The following RGL1 variants were observed in gnomAD, a reference collection of about 807,000 sequenced individuals.
RGL1 encodes ral guanine nucleotide dissociation stimulator-like 1.
A neutral mutation model predicts 95.2 loss-of-function variants in RGL1; 24 were observed. That is an observed-to-expected ratio of 0.25 (90% CI 0.18 to 0.35). The LOEUF is 0.35. Among genes scored for constraint, RGL1 ranks in the 10% least tolerant of loss-of-function variants. The pLI, the probability that RGL1 is intolerant of heterozygous loss-of-function variation, is 1.00. For missense variants in RGL1, 715 were observed against 936.3 expected (o/e 0.76, Z 3.08); for synonymous variants, 329 against 344.9 (o/e 0.95, Z 0.51).
intron 2 of RGL1, among the ~76,000 whole-genome samples, chr1:183,744,530 C>A (rs1657504201): frequency 6.6e-6 from 1 of 152,132 alleles, no homozygotes. Context: ...TTGTCTCACT[C>A]CAGTCCTGGC....
At position 183,884,813 on chromosome 1, in the gene RGL1, A is replaced by G; in HGVS notation, c.826A>G (p.Ile276Val). The G allele has an allele frequency of 1.2e-6, 2 of 1,614,126 alleles. No homozygotes were observed. Among genetic ancestry groups the G allele is most frequent in the Non-Finnish European group, 1.7e-6 (2 of 1,179,984 alleles). Residue 276 changes from isoleucine (I) to valine (V), a missense_variant, in exon 7 of 18, where the codon ATC becomes GTC. Coordinates refer to ENST00000360851, the MANE Select transcript of RGL1 (RefSeq NM_001297671.3). ...KKENKHLAPTIRATISQFNTL... is the reference protein window; with the variant it reads ...KKENKHLAPTVRATISQFNTL... The stretch of plus-strand genomic sequence containing the variant: ...GGAAAACAAACATTTGGCTCCTACG[A>G]TCCGTGCCACCATCTCTCAGTTTAA...
chr1:183,921,827 T>A (rs1669322310), intron 16 of RGL1, among the ~76,000 whole-genome samples: 1 of 152,240 alleles, frequency 6.6e-6, no homozygotes, highest in African/African-American at 2.4e-5. Context: ...TCCCGTGGGT[T>A]GTAACCAGTG....
In RGL1 at chr1:183,737,039, A is replaced by C. The variant is rs1038720796; in HGVS notation, c.-32-5087A>C. On this transcript the variant is annotated intron_variant, in intron 1 of 18. Coordinates refer to the RGL1 transcript ENST00000304685. ...ATTATAAGAAGGAAAGTAAAATTCA[A>C]TAAATTACAAAATGATGTATCAAAC... Among the ~76,000 whole-genome samples, 7 of 152,232 alleles carry C rather than the reference A, an allele frequency of 4.6e-5. No homozygotes were observed. In the South Asian group the frequency reaches 6.2e-4, roughly 13 times the overall value.
At chr1:183,889,563 A>G (rs1667300021) in intron 8 of RGL1, among the ~76,000 whole-genome samples, 1 of 152,116 alleles carries the variant, frequency 6.6e-6, no homozygotes, top group Non-Finnish European at 1.5e-5. Flanking sequence ...CATTGTTTGA[A>G]TTTGCAAGAG....
rs907138271 is a variant in RGL1 at position 183,912,128 on chromosome 1, G to C, written c.1609G>C (p.Glu537Gln). ...DMITSPTPTK[E>Q]QPKSTASGSS... ...GATCACCAGTCCCACTCCCACCAAA[G>C]AGCAGCCCAAGTCCACTGCCAGCGG... The change falls in exon 15 of 18, where the codon GAG becomes CAG. Residue 537 changes from glutamate to glutamine, a missense_variant. Transcript: ENST00000360851. The C allele has an allele frequency of 6.2e-7, 1 of 1,613,850 alleles. No individual in the cohort carries two copies. Among genetic ancestry groups the C allele is most frequent in the Admixed American group, 1.7e-5 (1 of 59,976 alleles).
chr1:183,769,861 G>A (rs574361359), intron 2 of RGL1, among the ~76,000 whole-genome samples: 2 of 152,216 alleles, frequency 1.3e-5, no homozygotes, highest in Non-Finnish European at 2.9e-5. Flanking sequence ...AACCAGGCCC[G>A]ACCCAGCTTA....
At chr1:183,884,987 C>G in intron 7 of RGL1, 49 bp downstream of exon 7, 1 of 1,489,192 alleles carries the variant, frequency 6.7e-7, no homozygotes, top group Middle Eastern at 1.7e-4. Flanking sequence ...ATGCAAGAGA[C>G]TGCTCCATCA....
At chr1:183,826,532 G>A (rs530567143) in intron 2 of RGL1, among the ~76,000 whole-genome samples, 10 of 152,238 alleles carry the variant, frequency 6.6e-5, no homozygotes, top group Admixed American at 1.3e-4. Flanking sequence ...TGGAAGACAC[G>A]TGATTATTTG....
chr1:183,805,435 A>T, intron 1 of RGL1, 111 bp downstream of exon 1: 1 of 932,576 alleles, frequency 1.1e-6, no homozygotes, highest in Non-Finnish European at 1.7e-6. Flanking sequence ...ATCCGATTCC[A>T]TACTTGTGAG....
At chr1:183,751,932 C>G (rs1029032740) in intron 2 of RGL1, among the ~76,000 whole-genome samples, 1 of 152,162 alleles carries the variant, frequency 6.6e-6, no homozygotes, top group Non-Finnish European at 1.5e-5. Context: ...GTTGGAAATG[C>G]AGAACTCACC....
At chr1:183,815,787 T>C (rs1019957499) in intron 2 of RGL1, among the ~76,000 whole-genome samples, 6 of 152,124 alleles carry the variant, frequency 3.9e-5, no homozygotes, top group Non-Finnish European at 8.8e-5. Flanking sequence ...AAATGAGTTA[T>C]GTATGTAAGG....
upstream of RGL1, among the ~76,000 whole-genome samples, chr1:183,801,146 TG>T (rs1660966248): frequency 2.8e-5 from 3 of 107,690 alleles, no homozygotes; most frequent in African/African-American, 7.8e-5. Flanking sequence ...TGTTATTTTG[TG>T]TGTGTGTGTG....
chr1:183,642,418 G>A (rs1184443920), intron 1 of RGL1, among the ~76,000 whole-genome samples: 1 of 152,196 alleles, frequency 6.6e-6, no homozygotes, highest in Non-Finnish European at 1.5e-5. Context: ...AACCGAGTAT[G>A]TCAGATTCTG....
chr1:183,679,716 T>A (rs937132860), intron 1 of RGL1, among the ~76,000 whole-genome samples: 12 of 152,280 alleles, frequency 7.9e-5, no homozygotes, highest in East Asian at 1.9e-4. Flanking sequence ...TTTATAATCC[T>A]TTGAGTGTAT....
chr1:183,695,397 TC>T (rs1409400532), intron 1 of RGL1, among the ~76,000 whole-genome samples: 2 of 152,240 alleles, frequency 1.3e-5, no homozygotes, highest in Non-Finnish European at 2.9e-5. Flanking sequence ...CTTGCTAGAC[TC>T]GTAAAGCATT....
Position 183,648,913 on chromosome 1 carries a change from T to C in RGL1, c.-33+12412T>C, listed in dbSNP as rs569838577. 1.2e-3 allele frequency: 883 copies of C among 711,780 alleles called. 1 individual carries two copies. The highest frequency in any genetic ancestry group is 1.8e-3 in the Non-Finnish European group (776 of 435,136). 44.1% of individuals were successfully genotyped at this position (711,780 alleles called of 1,614,324 possible). On this transcript the variant is annotated intron_variant, in intron 1 of 18. Coordinates refer to the RGL1 transcript ENST00000304685. Reference sequence around the variant, plus strand: ...ACTTTCTTTAAAGGAAGTAGCACAATAAAGATAGTGATATATGCATAGATT... The same window carrying C: ...ACTTTCTTTAAAGGAAGTAGCACAACAAAGATAGTGATATATGCATAGATT...
chr1:183,748,468 C>T (rs1260796777), intron 2 of RGL1, among the ~76,000 whole-genome samples: 4 of 139,402 alleles, frequency 2.9e-5, no homozygotes, highest in Non-Finnish European at 4.5e-5. Flanking sequence ...TGCAGTGGCA[C>T]GATCTCGGCT....
rs1053536503 is a variant in RGL1 at position 183,648,661 on chromosome 1, C to G, written c.-33+12160C>G. On this transcript the variant is annotated intron_variant, in intron 1 of 18. Transcript: ENST00000304685. Reference sequence around the variant, plus strand: ...CAAAATTCTGTGAGGGAAACTCTTGCTTCTTCACCTGTTCGAATATGGTAA... The same window carrying G: ...CAAAATTCTGTGAGGGAAACTCTTGGTTCTTCACCTGTTCGAATATGGTAA... 8.7e-6 allele frequency: 14 copies of G among 1,614,200 alleles called. 2 individuals are homozygous for G. The highest frequency in any genetic ancestry group is 6.7e-5 in the Admixed American group (4 of 60,022).
intron 2 of RGL1, among the ~76,000 whole-genome samples, chr1:183,776,254 T>C (rs1659593270): frequency 6.7e-6 from 1 of 149,414 alleles, no homozygotes; most frequent in Non-Finnish European, 1.5e-5. Context: ...GTTCACGCCA[T>C]TCTCCTGCCT....
Sources: allele counts gnomAD v4.1 joint callset (sites outside exome capture counted in the v4.1 genomes callset), GRCh38; gene constraint gnomAD v4.1.1; transcripts MANE v1.5; gene names NCBI Gene and HGNC (gene_info 2026-07-23, HGNC 2026-07-21).